Variants in DOCK8 observed in about 807,000 individuals in gnomAD.
DOCK8 encodes dedicator of cytokinesis protein 8.
Under a neutral mutation model 245.6 loss-of-function variants are expected in DOCK8, and 141 were observed. The observed-to-expected ratio is 0.57, with a 90% CI of 0.50 to 0.66. The LOEUF (loss-of-function observed/expected upper bound fraction) is 0.66. Ranked by LOEUF, DOCK8 falls within the 30% of genes least tolerant of loss-of-function variation. DOCK8 has a pLI of 0.00. For missense variants in DOCK8, 2,965 were observed against 2,603.4 expected, an observed-to-expected ratio of 1.14 and a Z score of -3.02; for synonymous variants, 1,168 against 970.2, an observed-to-expected ratio of 1.20 and a Z score of -3.79.
chr9:432,112 A>G (rs940228743), intron 36 of DOCK8, 54 bp from the exon 37 acceptor site: 16 of 1,590,670 alleles, frequency 1.0e-5, no homozygotes, highest in Middle Eastern at 1.7e-4. Context: ...TCAGTTATCT[A>G]CTGCTAAGTG....
intron 6 of DOCK8, among the ~76,000 whole-genome samples, chr9:315,232 C>T (rs992999505): frequency 6.6e-6 from 1 of 152,190 alleles, no homozygotes; most frequent in Admixed American, 6.6e-5. Context: ...CTTTCTCTCT[C>T]ATTATCTCTT....
intron 1 of DOCK8, among the ~76,000 whole-genome samples, chr9:263,560 A>C (rs899978411): frequency 4.1e-4 from 63 of 152,312 alleles, no homozygotes; most frequent in African/African-American, 1.2e-3. Context: ...CAATGCTTTC[A>C]GCACTTCTGT....
At chr9:378,991 T>C (rs2053629094) in intron 20 of DOCK8, among the ~76,000 whole-genome samples, 1 of 152,186 alleles carries the variant, frequency 6.6e-6, no homozygotes, top group African/African-American at 2.4e-5. Flanking sequence ...AGGTGGGACT[T>C]GTGCTGAGAT....
At chr9:415,692 G>GCACACACGCACACACGCGCACACA (rs1554699022) in intron 29 of DOCK8, among the ~76,000 whole-genome samples, 56 of 151,088 alleles carry the variant, frequency 3.7e-4, no homozygotes, top group African/African-American at 1.2e-3. Context: ...GTGCGCGCGT[G>GCACACACGCACACACGCGCACACA]CACACACACA....
chr9:252,660 C>A (rs374910178), intron 1 of DOCK8, among the ~76,000 whole-genome samples: 1 of 151,712 alleles, frequency 6.6e-6, no homozygotes, highest in Admixed American at 6.6e-5. Context: ...AAAAATTAGC[C>A]GGGCCTGGTG....
In DOCK8 at chr9:390,464, T is replaced by G. The variant is rs932541121; in HGVS notation, c.2875-7T>G. The G allele has an allele frequency of 4.3e-6, 7 of 1,613,856 alleles. No individual in the cohort carries two copies. The South Asian group carries it at 5.5e-5, about 13-fold the overall frequency. On this transcript the variant is annotated splice_polypyrimidine_tract_variant and splice_region_variant and intron_variant, in intron 23 of 47. Transcript: ENST00000432829. ...TTCACAGCCTAATTTTTGTGGTTCT[T>G]ATTTAGCATTTCCATGAGGAGCTTG...
At chr9:227,611 A>G (rs947541480) in intron 1 of DOCK8, among the ~76,000 whole-genome samples, 2 of 152,154 alleles carry the variant, frequency 1.3e-5, no homozygotes, top group Non-Finnish European at 2.9e-5. Flanking sequence ...TTATCTCACC[A>G]TAACCTAGCC....
chr9:432,431 T>C, intron 37 of DOCK8, 107 bp downstream of exon 37: 1 of 1,120,444 alleles, frequency 8.9e-7, no homozygotes, highest in South Asian at 1.5e-5. Context: ...ATATATAACA[T>C]TTGCAAGTAT....
At chr9:245,774 A>G (rs1412166625) in intron 1 of DOCK8, among the ~76,000 whole-genome samples, 1 of 152,218 alleles carries the variant, frequency 6.6e-6, no homozygotes, top group Non-Finnish European at 1.5e-5. Flanking sequence ...TTCTCACATA[A>G]TTCCAGGTCA....
At chr9:215,894 A>G (rs2046740088) in intron 1 of DOCK8, among the ~76,000 whole-genome samples, 1 of 152,214 alleles carries the variant, frequency 6.6e-6, no homozygotes, top group African/African-American at 2.4e-5. Context: ...AAAAGATAAT[A>G]GGAAACTCAT....
chr9:403,915 T>TATGTGTATATATATATATAC (rs1431314560), intron 26 of DOCK8, among the ~76,000 whole-genome samples: 1 of 81,268 alleles, frequency 1.2e-5, no homozygotes, highest in Non-Finnish European at 2.1e-5. Context: ...TATATATATA[T>TATGTGTATATATATATATAC]ACATATATAT....
intron 33 of DOCK8, among the ~76,000 whole-genome samples, chr9:425,447 GC>G (rs1564053109): frequency 6.6e-6 from 1 of 151,720 alleles, no homozygotes; most frequent in African/African-American, 2.4e-5. Flanking sequence ...CAGGAGAATG[GC>G]GTGAACCCGG....
intron 9 of DOCK8, among the ~76,000 whole-genome samples, chr9:330,498 A>C (rs1330669920): frequency 6.6e-6 from 1 of 152,192 alleles, no homozygotes; most frequent in Non-Finnish European, 1.5e-5. Context: ...CTATTTTGCT[A>C]CATTTGCTGT....
In DOCK8 at chr9:449,794, C is replaced by G; in HGVS notation, c.5828C>G (p.Thr1943Arg). Residue 1943 changes from threonine (T) to arginine (R), a missense_variant, in exon 45 of 48, where the codon ACA becomes AGA. Thr to Arg is a moderately conservative substitution (Grantham distance 71). Transcript: ENST00000432829. ...ACGTCTCATGTTCAGTTTGTTTTGA[C>G]ACCGATTGAAGTTGCCATTGAAGAC... ...SVIQKEEFVL[T>R]PIEVAIEDMK... 6.2e-7 allele frequency: 1 copy of G among 1,612,860 alleles called. No homozygotes were observed. The highest frequency in any genetic ancestry group is 8.5e-7 in the Non-Finnish European group (1 of 1,180,016).
chr9:360,866 A>G (rs2052695382), intron 14 of DOCK8, among the ~76,000 whole-genome samples: 1 of 152,114 alleles, frequency 6.6e-6, no homozygotes, highest in Non-Finnish European at 1.5e-5. Flanking sequence ...GCTCCCTCAA[A>G]AAGAGCATTT....
In DOCK8 at chr9:373,493, A is replaced by T. The variant is rs147985718; in HGVS notation, c.2109+1207A>T. On this transcript the variant is annotated intron_variant, in intron 18 of 47. Transcript: ENST00000432829. Reference sequence around the variant, plus strand: ...TTGACGCTTGCTTTTTAAAATTGGTATTCAGATAAGGTCCACACACTGATA... The same window carrying T: ...TTGACGCTTGCTTTTTAAAATTGGTTTTCAGATAAGGTCCACACACTGATA... 3.1e-3 allele frequency among the ~76,000 whole-genome samples: 473 copies of T among 152,306 alleles called. 7 individuals are homozygous for T. The highest frequency in any genetic ancestry group is 0.011 in the African/African-American group (458 of 41,570).
chr9:455,976 G>A (rs2057628176), intron 46 of DOCK8, among the ~76,000 whole-genome samples: 1 of 152,158 alleles, frequency 6.6e-6, no homozygotes, highest in Admixed American at 6.5e-5. Context: ...TATGTGGAAG[G>A]ATGAAGTCCC....
intron 14 of DOCK8, among the ~76,000 whole-genome samples, chr9:366,879 G>T (rs888306022): frequency 1.3e-4 from 20 of 152,292 alleles, no homozygotes; most frequent in Non-Finnish European, 2.1e-4. Context: ...AGGCAAACTT[G>T]TCCCTGAGAG....
In DOCK8 at chr9:439,208, G is replaced by A. The variant is rs766015966; in HGVS notation, c.5080-37G>A. 59 of 1,613,688 alleles carry A rather than the reference G, an allele frequency of 3.7e-5. 1 individual carries two copies. The highest frequency in any genetic ancestry group is 2.9e-4 in the South Asian group (26 of 91,068). On this transcript the variant is annotated intron_variant, in intron 39 of 47. Transcript: ENST00000432829. ...CCTGTGGTCTCTTACTAGTCTGGTCGCCCTGTTCTCCAGGCTTATACTGTG... is the reference window on the plus strand; with the variant it reads ...CCTGTGGTCTCTTACTAGTCTGGTCACCCTGTTCTCCAGGCTTATACTGTG...
Sources: gnomAD v4.1 joint callset for allele counts (sites outside exome capture counted in the v4.1 genomes callset) on GRCh38, gnomAD v4.1.1 for gene constraint, MANE v1.5 for transcripts, NCBI Gene and HGNC (gene_info 2026-07-23, HGNC 2026-07-21) for gene names.